Variants in MEIOB observed in about 807,000 individuals in gnomAD.
The protein encoded by MEIOB is meiosis specific with OB-fold, also known as meiosis-specific with OB domain-containing protein.
In MEIOB, 50 loss-of-function variants were observed where a neutral mutation model predicts 53.1. The observed-to-expected ratio is 0.94, with a 90% CI of 0.75 to 1.19. MEIOB has a LOEUF of 1.19. MEIOB is among the 50% of genes most tolerant of loss of function. The probability of loss-of-function intolerance (pLI) is 0.00; values close to 1 mark genes in which losing one functional copy is unlikely to be tolerated. For synonymous variants in MEIOB, 192 were observed against 182.5 expected (o/e 1.05, Z -0.42); for missense variants, 551 against 550.8 (o/e 1.00, Z 0.00).
Position 1,866,393 on chromosome 16 carries a change from T to C in MEIOB, c.70-558A>G, listed in dbSNP as rs144666492. Among the ~76,000 whole-genome samples the C allele has an allele frequency of 6.8e-3, 1,039 of 152,300 alleles. 6 individuals are homozygous for C. Among genetic ancestry groups the C allele is most frequent in the Non-Finnish European group, 0.011 (781 of 68,028 alleles). ...TCAAAATGTTTAATGTTCTCTTTAG[T>C]GACTACTGAAGAAAAATTTTAAATG... On this transcript the variant is annotated intron_variant, in intron 2 of 13. Transcript: ENST00000325962.
intron 9 of MEIOB, among the ~76,000 whole-genome samples, chr16:1,851,547 A>G (rs1453408946): frequency 6.6e-6 from 1 of 152,182 alleles, no homozygotes; most frequent in Non-Finnish European, 1.5e-5. Context: ...CACCCAGCAT[A>G]CAGCACATGC....
chr16:1,869,176 G>A lies in MEIOB; in HGVS notation c.-9-992C>T, dbSNP rs184850749. 8.5e-3 allele frequency among the ~76,000 whole-genome samples: 1,291 copies of A among 152,208 alleles called. 9 individuals are homozygous for A. The highest frequency in any genetic ancestry group is 0.014 in the Non-Finnish European group (983 of 68,020). On this transcript the variant is annotated intron_variant, in intron 1 of 13. Coordinates refer to ENST00000325962, the MANE Select transcript of MEIOB (RefSeq NM_001163560.3). ...GTCTCACTCTGTGCCCCAGGGTGGA[G>A]TGCAGTGGCACAATCTCAGTTCACC...
At position 1,835,617 on chromosome 16, in the gene MEIOB, C is replaced by T. The variant is rs183760901; in HGVS notation, c.1306-1251G>A. ...TGGTAGTCTGACATTGGCTAGAACA[C>T]GTTCAGAGCTGTCTGATTCTACAGG... On this transcript the variant is annotated intron_variant, in intron 13 of 13. Transcript: ENST00000325962. Among the ~76,000 whole-genome samples the T allele has an allele frequency of 1.5e-3, 226 of 152,242 alleles. 5 individuals are homozygous for T. The highest frequency in any genetic ancestry group is 0.014 in the Admixed American group (219 of 15,276).
At chr16:1,849,908 T>G (rs1363300972) in intron 9 of MEIOB, among the ~76,000 whole-genome samples, 1 of 152,214 alleles carries the variant, frequency 6.6e-6, no homozygotes, top group Non-Finnish European at 1.5e-5. Flanking sequence ...ATTAGCTTGA[T>G]TTAGCCATTC....
At chr16:1,844,984 T>C in intron 9 of MEIOB, 21 bp from the exon 10 acceptor site, 1 of 1,137,194 alleles carries the variant, frequency 8.8e-7, no homozygotes, top group Non-Finnish European at 1.3e-6. Context: ...AAATGCATAA[T>C]AAGTAAAAAG....
chr16:1,866,040 T>C (rs1444121473), intron 2 of MEIOB, among the ~76,000 whole-genome samples: 1 of 152,214 alleles, frequency 6.6e-6, no homozygotes, highest in Non-Finnish European at 1.5e-5. Flanking sequence ...ATCCAAAAGT[T>C]AACTACTATT....
chr16:1,836,696 T>A (rs1202465350), intron 13 of MEIOB, among the ~76,000 whole-genome samples: 1 of 148,156 alleles, frequency 6.7e-6, no homozygotes, highest in Non-Finnish European at 1.5e-5. Flanking sequence ...GAGGCTGAGA[T>A]GGAGGAGATG....
intron 12 of MEIOB, 103 bp downstream of exon 12, chr16:1,839,152 G>C: frequency 7.4e-7 from 1 of 1,345,698 alleles, no homozygotes; most frequent in Non-Finnish European, 9.9e-7. Flanking sequence ...GTTTATTAGT[G>C]AATCAATTTC....
At chr16:1,846,375 T>C (rs1275403169) in intron 9 of MEIOB, among the ~76,000 whole-genome samples, 1 of 152,002 alleles carries the variant, frequency 6.6e-6, no homozygotes, top group Non-Finnish European at 1.5e-5. Context: ...AATTGTGCCC[T>C]CCCTATCTGA....
Position 1,865,665 on chromosome 16 carries a change from T to C in MEIOB, c.127+113A>G, listed in dbSNP as rs904280373. 49 of 714,590 alleles carry C rather than the reference T, an allele frequency of 6.9e-5. 1 individual carries two copies. Among genetic ancestry groups the C allele is most frequent in the Admixed American group, 1.5e-4 (5 of 33,162 alleles). The allele number at this position is 714,590 out of a possible 1,614,324, so 44.3% of individuals were successfully genotyped here. On this transcript the variant is annotated intron_variant, in intron 3 of 13. Transcript: ENST00000325962. ...GACCATCCAATAGAGAGCATGACCA[T>C]TGCTCTTAAGGAGTTAAACAGGCAT...
Position 1,841,852 on chromosome 16 carries a change from A to G in MEIOB, c.1002T>C (p.Asp334=). 6.3e-7 allele frequency: 1 copy of G among 1,592,956 alleles called. No individual in the cohort carries two copies. Among genetic ancestry groups the G allele is most frequent in the East Asian group, 2.3e-5 (1 of 44,418 alleles). ...TTCGAACTACTTTTGTAGTTTCATC[A>G]TCAATGTTGAGTGTGGAAATGTAGG... The part of the protein sequence containing the change: ...LYAYISTLNI[D]DETTKVVRNR... The change falls in exon 11 of 14, where the codon GAT becomes GAC. Residue 334 remains aspartate, a synonymous_variant. Transcript: ENST00000325962.
In MEIOB at chr16:1,853,274, G is replaced by A; in HGVS notation, c.630-3C>T. The A allele has an allele frequency of 6.5e-7, 1 of 1,544,766 alleles. No homozygotes were observed. Among genetic ancestry groups the A allele is most frequent in the East Asian group, 2.4e-5 (1 of 40,870 alleles). On this transcript the variant is annotated splice_region_variant and splice_polypyrimidine_tract_variant and intron_variant, in intron 7 of 13. Transcript: ENST00000325962. ...GTAGAATGGATTCATTATCCCAACTGCATTTGTTTAAAAAGAAGTAATACA... is the reference window on the plus strand; with the variant it reads ...GTAGAATGGATTCATTATCCCAACTACATTTGTTTAAAAAGAAGTAATACA...
chr16:1,843,994 T>C (rs2142081800), intron 10 of MEIOB, among the ~76,000 whole-genome samples: 1 of 152,276 alleles, frequency 6.6e-6, no homozygotes, highest in South Asian at 2.1e-4. Context: ...GATGGTGATG[T>C]GTATCTATTT....
In MEIOB at chr16:1,844,977, T is replaced by G; in HGVS notation, c.779-14A>C. On this transcript the variant is annotated splice_polypyrimidine_tract_variant and intron_variant, in intron 9 of 13. Coordinates refer to ENST00000325962, the MANE Select transcript of MEIOB (RefSeq NM_001163560.3). ...CTTCTGGTATATCTTAAATTGAAAA[T>G]GCATAATAAGTAAAAAGCAAACTGA... The G allele has an allele frequency of 8.3e-7, 1 of 1,205,568 alleles. No homozygotes were observed. The highest frequency in any genetic ancestry group is 1.4e-5 in the South Asian group (1 of 72,680). The allele number at this position is 1,205,568 out of a possible 1,614,324, so 74.7% of individuals were successfully genotyped here. A position where few individuals can be genotyped will look rare whatever the true frequency, so the allele number is the denominator to read the frequency against.
intron 5 of MEIOB, among the ~76,000 whole-genome samples, chr16:1,859,527 T>G (rs1899390141): frequency 6.6e-6 from 1 of 151,804 alleles, no homozygotes; most frequent in African/African-American, 2.4e-5. Context: ...GGCAACAGAG[T>G]GGGACTCTGT....
intron 13 of MEIOB, among the ~76,000 whole-genome samples, chr16:1,836,303 T>G (rs992381110): frequency 6.6e-6 from 1 of 152,242 alleles, no homozygotes; most frequent in Non-Finnish European, 1.5e-5. Context: ...GGAACATCTG[T>G]TACACACATT....
At chr16:1,855,931 C>CTTTTTTTTTTT (rs34688365) in intron 6 of MEIOB, among the ~76,000 whole-genome samples, 1 of 131,276 alleles carries the variant, frequency 7.6e-6, no homozygotes, top group African/African-American at 2.8e-5. Context: ...GTGTTTTTTC[C>CTTTTTTTTTTT]TTTTTTTTTT....
At chr16:1,844,284 G>C (rs904600050) in intron 10 of MEIOB, among the ~76,000 whole-genome samples, 1 of 151,472 alleles carries the variant, frequency 6.6e-6, no homozygotes, top group South Asian at 2.1e-4. Context: ...TACCATGCCT[G>C]GCTCATTTTT....
chr16:1,869,771 T>C (rs1036776142), intron 1 of MEIOB, among the ~76,000 whole-genome samples: 1 of 151,480 alleles, frequency 6.6e-6, no homozygotes, highest in African/African-American at 2.4e-5. Flanking sequence ...ATTTAAGGAT[T>C]TAAATATATA....
Sources: allele counts gnomAD v4.1 joint callset (sites outside exome capture counted in the v4.1 genomes callset), GRCh38; gene constraint gnomAD v4.1.1; transcripts MANE v1.5; gene names NCBI Gene and HGNC (gene_info 2026-07-23, HGNC 2026-07-21).